The following SDK1 variants were observed in gnomAD, a reference collection of about 807,000 sequenced individuals.
SDK1 encodes protein sidekick-1.
Under a neutral mutation model 245.5 loss-of-function variants are expected in SDK1, and 157 were observed. That is an observed-to-expected ratio of 0.64 (90% CI 0.56 to 0.73). SDK1 has a LOEUF of 0.73. SDK1 is among the 30% of genes least tolerant of loss of function. The pLI is 0.00. For synonymous variants in SDK1, 1,647 were observed against 1,278.5 expected (o/e 1.29, Z -6.15); for missense variants, 3,583 against 3,002.3 (o/e 1.19, Z -4.52).
chr7:3,485,332 C>T (rs1781651392), intron 1 of SDK1, among the ~76,000 whole-genome samples: 1 of 152,096 alleles, frequency 6.6e-6, no homozygotes, highest in South Asian at 2.1e-4. Flanking sequence ...GATACTTTGC[C>T]CATTTAAAAA....
chr7:3,417,985 T>G (rs1779421253), intron 1 of SDK1, among the ~76,000 whole-genome samples: 1 of 152,036 alleles, frequency 6.6e-6, no homozygotes, highest in Non-Finnish European at 1.5e-5. Flanking sequence ...TTACAAGTGA[T>G]TTCTCTACTG....
rs545117038 is a variant in SDK1 at position 3,642,483 on chromosome 7, T to C, written c.713+378T>C. Among the ~76,000 whole-genome samples the C allele has an allele frequency of 1.9e-4, 29 of 151,912 alleles. No individual in the cohort carries two copies. The South Asian group carries it at 5.6e-3, about 29-fold the overall frequency. ...GGTATTTACTTACAGTGCTGTGGGG[T>C]TTTTTTTCCCCCTCCTTTTATTGAG... On this transcript the variant is annotated intron_variant, in intron 4 of 44. Coordinates refer to ENST00000404826, the MANE Select transcript of SDK1 (RefSeq NM_152744.4).
chr7:4,075,681 G>A (rs1431568200), intron 20 of SDK1, among the ~76,000 whole-genome samples: 2 of 147,600 alleles, frequency 1.4e-5, no homozygotes, highest in South Asian at 4.2e-4. Context: ...TTAAGACAAA[G>A]TCTTGCTCTG....
intron 2 of SDK1, among the ~76,000 whole-genome samples, chr7:3,622,998 C>G (rs1055391813): frequency 7.9e-5 from 12 of 151,814 alleles, no homozygotes; most frequent in African/African-American, 2.9e-4. Flanking sequence ...GTTCATTTAT[C>G]ATATGTTAGC....
At chr7:3,504,191 T>TGTGC (rs1435667119) in intron 1 of SDK1, among the ~76,000 whole-genome samples, 1 of 150,578 alleles carries the variant, frequency 6.6e-6, no homozygotes, top group African/African-American at 2.4e-5. Flanking sequence ...TATGTGTGTG[T>TGTGC]GTGTGTGTGT....
At chr7:4,234,872 G>A (rs902597845) in intron 41 of SDK1, among the ~76,000 whole-genome samples, 6 of 152,188 alleles carry the variant, frequency 3.9e-5, no homozygotes, top group African/African-American at 1.2e-4. Flanking sequence ...TCGGCGTTGG[G>A]GCAGCAGAGC....
intron 21 of SDK1, among the ~76,000 whole-genome samples, chr7:4,078,642 C>G (rs901220860): frequency 6.6e-6 from 1 of 152,124 alleles, no homozygotes; most frequent in Admixed American, 6.5e-5. Context: ...CATTTTATCC[C>G]CTTATCTTTC....
At chr7:3,696,282 T>C (rs184218233) in intron 4 of SDK1, among the ~76,000 whole-genome samples, 2 of 152,206 alleles carry the variant, frequency 1.3e-5, no homozygotes, top group Admixed American at 6.5e-5. Flanking sequence ...TTGGTCATCC[T>C]CCACTCCTTG....
In SDK1 at chr7:3,610,513, C is replaced by T. The variant is rs189013377; in HGVS notation, c.299-8567C>T. ...ATATTGGAGAGCTGGAAGCTTATTT[C>T]AGTTTGGAGAAACGGGAATTGTATT... On this transcript the variant is annotated intron_variant, in intron 1 of 44. Coordinates refer to ENST00000404826, the MANE Select transcript of SDK1 (RefSeq NM_152744.4). 3.3e-5 allele frequency among the ~76,000 whole-genome samples: 5 copies of T among 152,276 alleles called. No individual in the cohort carries two copies. The East Asian group carries it at 9.6e-4, about 29-fold the overall frequency.
intron 5 of SDK1, among the ~76,000 whole-genome samples, chr7:3,840,784 G>T (rs924494878): frequency 2.0e-5 from 3 of 152,160 alleles, no homozygotes; most frequent in Admixed American, 1.3e-4. Context: ...CGCGAGCCTC[G>T]CCTGACTTGG....
At chr7:4,043,308 A>G (rs1367733635) in intron 17 of SDK1, among the ~76,000 whole-genome samples, 3 of 135,816 alleles carry the variant, frequency 2.2e-5, no homozygotes, top group African/African-American at 6.7e-5. Flanking sequence ...GGGCCCAGGT[A>G]GAGTGAGTCA....
rs1784192063 is a variant in SDK1, at chr7:4,205,904, G to A, written c.5124G>A (p.Val1708=). Residue 1708 remains valine (V), a synonymous_variant, in exon 36 of 45, where the codon GTG becomes GTA. Transcript: ENST00000404826. ...EAAPAMAPQN[V]QVTPLTASQL... is the part of the protein sequence containing the mutation. ...CCCCGGCCATGGCCCCGCAGAACGT[G>A]CAGGTGACCCCACTCACGGCCAGCC... 6.4e-7 allele frequency: 1 copy of A among 1,557,028 alleles called. No individual in the cohort carries two copies. The highest frequency in any genetic ancestry group is 8.7e-7 in the Non-Finnish European group (1 of 1,149,816).
At chr7:3,851,323 C>T (rs1247116886) in intron 5 of SDK1, among the ~76,000 whole-genome samples, 3 of 151,996 alleles carry the variant, frequency 2.0e-5, no homozygotes, top group African/African-American at 4.8e-5. Flanking sequence ...AGGAATTATT[C>T]TATTTTCATA....
intron 1 of SDK1, among the ~76,000 whole-genome samples, chr7:3,559,560 C>G (rs922309370): frequency 2.8e-4 from 42 of 152,076 alleles, no homozygotes; most frequent in African/African-American, 1.0e-3. Flanking sequence ...TGTAGTCATT[C>G]ATTGACGCTC....
At position 3,523,162 on chromosome 7, in the gene SDK1, A is replaced by G. The variant is rs561222070; in HGVS notation, c.299-95918A>G. Among the ~76,000 whole-genome samples the G allele has an allele frequency of 1.1e-4, 17 of 152,338 alleles. 1 individual carries two copies. In the South Asian group the frequency reaches 3.3e-3, roughly 30 times the overall value. The stretch of plus-strand genomic sequence containing the variant: ...TTTTTGACAAAGCTTGAAGGAGCAA[A>G]ATCTCATGATAAACACTATATGCAA... On this transcript the variant is annotated intron_variant, in intron 1 of 44. Transcript: ENST00000404826.
chr7:3,488,406 G>A (rs1781769275), intron 1 of SDK1, among the ~76,000 whole-genome samples: 2 of 152,120 alleles, frequency 1.3e-5, no homozygotes, highest in Admixed American at 1.3e-4. Flanking sequence ...ATTAGTGGAG[G>A]ATTTTTAAAA....
rs776904238 is a variant in SDK1 at position 3,485,810 on chromosome 7, T to A, written c.299-133270T>A. Among the ~76,000 whole-genome samples, 83 of 151,778 alleles carry A rather than the reference T, an allele frequency of 5.5e-4. 2 individuals are homozygous for A. The highest frequency in any genetic ancestry group is 1.0e-3 in the Non-Finnish European group (71 of 67,896). Reference sequence around the variant, plus strand: ...TTCCCACGTAAGTGTGTTTTCTTATTATATTTATGAATCCAACTATGGTGG... The same window carrying A: ...TTCCCACGTAAGTGTGTTTTCTTATAATATTTATGAATCCAACTATGGTGG... On this transcript the variant is annotated intron_variant, in intron 1 of 44. Coordinates refer to ENST00000404826, the MANE Select transcript of SDK1 (RefSeq NM_152744.4).
At chr7:4,028,467 G>A (rs934981689) in intron 17 of SDK1, among the ~76,000 whole-genome samples, 2 of 152,194 alleles carry the variant, frequency 1.3e-5, no homozygotes, top group African/African-American at 4.8e-5. Flanking sequence ...TGTGTCTCAG[G>A]AAACTCTGGT....
intron 1 of SDK1, among the ~76,000 whole-genome samples, chr7:3,558,486 C>T (rs1187348868): frequency 6.6e-6 from 1 of 152,182 alleles, no homozygotes; most frequent in Non-Finnish European, 1.5e-5. Flanking sequence ...TTAGAATTAG[C>T]CTGGCTTGGA....
Sources: gnomAD v4.1 joint callset for allele counts (sites outside exome capture counted in the v4.1 genomes callset) on GRCh38, gnomAD v4.1.1 for gene constraint, MANE v1.5 for transcripts, NCBI Gene and HGNC (gene_info 2026-07-23, HGNC 2026-07-21) for gene names.